Variants in CREB1 observed in about 807,000 individuals in gnomAD.
CREB1 encodes cyclic AMP-responsive element-binding protein 1.
A neutral mutation model predicts 42.0 loss-of-function variants in CREB1; 2 were observed. The observed-to-expected ratio is 0.05, with a 90% confidence interval of 0.02 to 0.15. CREB1 has a LOEUF of 0.15. CREB1 is among the 10% of genes least tolerant of loss of function. The pLI, the probability that CREB1 is intolerant of heterozygous loss-of-function variation, is 1.00. For missense variants in CREB1, 199 were observed against 388.9 expected (o/e 0.51, Z 4.11); for synonymous variants, 123 against 139.9 (o/e 0.88, Z 0.85).
chr2:207,594,954 G>T (rs2085820913), intron 7 of CREB1, among the ~76,000 whole-genome samples: 1 of 145,902 alleles, frequency 6.9e-6, no homozygotes, highest in Admixed American at 6.8e-5. Context: ...TAGTGGTTTT[G>T]ATTTGCATTT....
At chr2:207,596,178 T>C (rs866623600) in intron 7 of CREB1, among the ~76,000 whole-genome samples, 2 of 152,232 alleles carry the variant, frequency 1.3e-5, no homozygotes, top group Non-Finnish European at 2.9e-5. Flanking sequence ...CTCACTCTTT[T>C]GCATGTGGAT....
intron 3 of CREB1, among the ~76,000 whole-genome samples, chr2:207,566,660 C>T (rs375837399): frequency 1.1e-3 from 165 of 152,206 alleles, no homozygotes; most frequent in Non-Finnish European, 1.8e-3. Context: ...CTTTGTGACT[C>T]GGGTGAGTTA....
At chr2:207,560,120 A>G in intron 2 of CREB1, 106 bp from the exon 3 acceptor site, 1 of 984,946 alleles carries the variant, frequency 1.0e-6, no homozygotes. Context: ...ATACATATCT[A>G]GCAAAAAGGT....
At chr2:207,567,952 T>C (rs1242273415) in intron 4 of CREB1, 1 of 153,690 alleles carries the variant, frequency 6.5e-6, no homozygotes, top group Non-Finnish European at 1.4e-5. Flanking sequence ...TAGCTATTAA[T>C]TTAATAATTG....
intron 1 of CREB1, among the ~76,000 whole-genome samples, chr2:207,530,626 C>T (rs1423682074): frequency 2.0e-5 from 3 of 149,558 alleles, no homozygotes; most frequent in Non-Finnish European, 3.0e-5. Flanking sequence ...CCGGCCGGGC[C>T]TCCGGGGCAG....
At chr2:207,571,707 A>G (rs1330932841) in intron 5 of CREB1, 2 of 454,696 alleles carry the variant, frequency 4.4e-6, no homozygotes, top group Non-Finnish European at 8.8e-6. Flanking sequence ...ACATTGATAC[A>G]TGATGTTTAT....
At chr2:207,594,253 A>G (rs2085675185) in intron 7 of CREB1, among the ~76,000 whole-genome samples, 1 of 152,158 alleles carries the variant, frequency 6.6e-6, no homozygotes, top group Non-Finnish European at 1.5e-5. Context: ...AAAATTGACC[A>G]TCTTAATGAG....
At chr2:207,589,967 TC>T (rs1367268423) in intron 7 of CREB1, among the ~76,000 whole-genome samples, 3 of 152,164 alleles carry the variant, frequency 2.0e-5, no homozygotes, top group Admixed American at 2.0e-4. Flanking sequence ...GTGGAAGTCT[TC>T]CCTTCCCTTC....
At chr2:207,587,007 C>T (rs1470231283) in intron 7 of CREB1, among the ~76,000 whole-genome samples, 3 of 152,166 alleles carry the variant, frequency 2.0e-5, no homozygotes, top group African/African-American at 7.2e-5. Context: ...GAAAGGTGAA[C>T]TCTTTCTAAC....
rs1344117081 is a variant in CREB1, at chr2:207,600,246, T to TAC, written c.*3189_*3190insCA. On this transcript the variant is annotated 3_prime_UTR_variant, in exon 8 of 8. Coordinates refer to ENST00000353267, the MANE Select transcript of CREB1 (RefSeq NM_004379.5). ...TGTATAATATATGTGTACATATATA[T>TAC]ATATATATATATATATACATACAGT... is the stretch of plus-strand genomic sequence containing the variant. The TAC allele has an allele frequency of 1.2e-5, 2 of 161,168 alleles. No homozygotes were observed. The highest frequency in any genetic ancestry group is 6.7e-5 in the Admixed American group (1 of 14,968). The allele number at this position is 161,168 out of a possible 1,614,324, so 10.0% of individuals were successfully genotyped here. A position where few individuals can be genotyped will look rare whatever the true frequency, so the allele number is the denominator to read the frequency against.
At chr2:207,582,918 A>ATATAT (rs35896795) in intron 7 of CREB1, 72 of 258,340 alleles carry the variant, frequency 2.8e-4, no homozygotes, top group Non-Finnish European at 4.1e-4. Context: ...AACAAAAAAA[A>ATATAT]ATATATATAT....
At chr2:207,536,658 G>GT (rs1199625020) in intron 1 of CREB1, among the ~76,000 whole-genome samples, 2 of 152,130 alleles carry the variant, frequency 1.3e-5, no homozygotes, top group African/African-American at 4.8e-5. Context: ...TAAGAATATT[G>GT]TTTTGAGGTT....
intron 1 of CREB1, among the ~76,000 whole-genome samples, chr2:207,549,417 C>A (rs1293091726): frequency 6.6e-6 from 1 of 151,518 alleles, no homozygotes; most frequent in Non-Finnish European, 1.5e-5. Flanking sequence ...TTAAGGTTAA[C>A]CCTCCCCCGC....
chr2:207,590,085 T>TG (rs2084698849), intron 7 of CREB1, among the ~76,000 whole-genome samples: 1 of 93,110 alleles, frequency 1.1e-5, no homozygotes. Flanking sequence ...TTTGAGAAGT[T>TG]TTTTTTTTTT....
intron 7 of CREB1, among the ~76,000 whole-genome samples, chr2:207,596,574 C>T (rs1447958721): frequency 6.6e-6 from 1 of 152,224 alleles, no homozygotes; most frequent in African/African-American, 2.4e-5. Flanking sequence ...GCTGGGACTA[C>T]AGGCATGTGC....
intron 1 of CREB1, among the ~76,000 whole-genome samples, chr2:207,530,771 C>A (rs999664297): frequency 6.6e-6 from 1 of 151,984 alleles, no homozygotes; most frequent in African/African-American, 2.4e-5. Flanking sequence ...AGAGCTGCAA[C>A]GTCTGACCTA....
intron 3 of CREB1, among the ~76,000 whole-genome samples, chr2:207,565,542 C>G (rs2106514516): frequency 6.8e-6 from 1 of 147,074 alleles, no homozygotes; most frequent in East Asian, 2.0e-4. Flanking sequence ...AAAAAAAGGA[C>G]ACAGATTAAA....
In CREB1 at chr2:207,567,470, C is replaced by A; in HGVS notation, c.269C>A (p.Thr90Asn). Residue 90 changes from threonine (T) to asparagine (N), a missense_variant, in exon 4 of 8, where the codon ACT becomes AAT. By Grantham distance (65) the Thr-to-Asn change is moderately conservative. This residue lies in a region of CREB1 where 66 missense variants were observed against 150.8 expected (regional missense o/e 0.44). Transcript: ENST00000353267. ...GTTTTTCTTTAATTTCAGATTTCAA[C>A]TATTGCAGAAAGTGAAGATTCACAG... ...SPQVQTVQIS[T>N]IAESEDSQES... The A allele has an allele frequency of 6.2e-7, 1 of 1,605,658 alleles. No homozygotes were observed. Among genetic ancestry groups the A allele is most frequent in the Non-Finnish European group, 8.5e-7 (1 of 1,174,732 alleles).
intron 2 of CREB1, among the ~76,000 whole-genome samples, chr2:207,557,954 A>G (rs1265592764): frequency 6.6e-6 from 1 of 152,182 alleles, no homozygotes; most frequent in Non-Finnish European, 1.5e-5. Flanking sequence ...TATGGAATTG[A>G]GATGAGATAC....
Sources: allele counts gnomAD v4.1 joint callset (sites outside exome capture counted in the v4.1 genomes callset), GRCh38; gene constraint gnomAD v4.1.1; regional missense constraint gnomAD v4.1.1; transcripts MANE v1.5; gene names NCBI Gene and HGNC (gene_info 2026-07-23, HGNC 2026-07-21).